EHMT1: variants seen among roughly 807,000 people sequenced by gnomAD.
The protein encoded by EHMT1 is euchromatic histone lysine methyltransferase 1.
A neutral mutation model predicts 147.2 loss-of-function variants in EHMT1; 15 were observed. The observed-to-expected ratio is 0.10, with a 90% confidence interval of 0.07 to 0.16. EHMT1 has a LOEUF of 0.16. Among genes scored for constraint, EHMT1 ranks in the 10% least tolerant of loss-of-function variants. The pLI is 1.00. For missense variants in EHMT1, 1,587 were observed against 1,772.4 expected, an observed-to-expected ratio of 0.90 and a Z score of 1.88; for synonymous variants, 795 against 709.6, an observed-to-expected ratio of 1.12 and a Z score of -1.91.
intron 1 of EHMT1, among the ~76,000 whole-genome samples, chr9:137,650,187 C>G (rs903029120): frequency 6.6e-6 from 1 of 152,148 alleles, no homozygotes; most frequent in Non-Finnish European, 1.5e-5. Context: ...CAGCCTCAAA[C>G]TCCCAGGCTC....
chr9:137,807,276 GT>G (rs1400807700), intron 18 of EHMT1, among the ~76,000 whole-genome samples: 1 of 152,000 alleles, frequency 6.6e-6, no homozygotes, highest in Non-Finnish European at 1.5e-5. Flanking sequence ...AGTTGAGCAG[GT>G]TTTTGTTGGT....
At chr9:137,723,560 C>T (rs1422656023) in intron 3 of EHMT1, among the ~76,000 whole-genome samples, 216 of 72,880 alleles carry the variant, frequency 3.0e-3, no homozygotes, top group Middle Eastern at 0.015. Flanking sequence ...GGGGTGTGTC[C>T]GTGTCTGTGG....
At chr9:137,803,758 G>C (rs1048001238) in intron 18 of EHMT1, among the ~76,000 whole-genome samples, 1 of 151,800 alleles carries the variant, frequency 6.6e-6, no homozygotes, top group African/African-American at 2.4e-5. Flanking sequence ...GGCTAAGGTG[G>C]GAAGATCGCT....
intron 1 of EHMT1, among the ~76,000 whole-genome samples, chr9:137,636,063 A>G (rs1263584952): frequency 1.3e-5 from 2 of 151,546 alleles, no homozygotes; most frequent in Admixed American, 6.6e-5. Context: ...TTGGGATTAC[A>G]GGTGCATGCC....
At chr9:137,803,367 T>G in intron 18 of EHMT1, 2 of 916,060 alleles carry the variant, frequency 2.2e-6, no homozygotes, top group Non-Finnish European at 1.3e-6. Flanking sequence ...TCCTCCGCGC[T>G]TCACAGCCAT....
At chr9:137,742,310 TGTGTG>T (rs1948166807) in intron 4 of EHMT1, among the ~76,000 whole-genome samples, 1 of 151,026 alleles carries the variant, frequency 6.6e-6, no homozygotes, top group Non-Finnish European at 1.5e-5. Context: ...TGTGTGTGTG[TGTGTG>T]TGTGTGTGTG....
At chr9:137,739,100 G>A (rs1588456973) in intron 4 of EHMT1, among the ~76,000 whole-genome samples, 3 of 151,550 alleles carry the variant, frequency 2.0e-5, no homozygotes, top group African/African-American at 7.3e-5. Context: ...GGCCGGGCGC[G>A]GTGGCTCATG....
intron 25 of EHMT1, chr9:137,833,937 C>T (rs529909322): frequency 3.9e-5 from 10 of 258,122 alleles, no homozygotes; most frequent in Admixed American, 2.5e-4. Flanking sequence ...CCATCCCTCC[C>T]GACCCCCTCA....
intron 1 of EHMT1, among the ~76,000 whole-genome samples, chr9:137,673,742 G>T (rs1007956014): frequency 2.0e-5 from 3 of 152,228 alleles, no homozygotes; most frequent in Non-Finnish European, 2.9e-5. Context: ...TTAGAAAAAT[G>T]TTAAGGCCCG....
In EHMT1 at chr9:137,731,318, G is replaced by A. The variant is rs1437814573; in HGVS notation, c.823+2789G>A. 1.3e-5 allele frequency among the ~76,000 whole-genome samples: 2 copies of A among 152,166 alleles called. No individual in the cohort carries two copies. Among genetic ancestry groups the A allele is most frequent in the East Asian group, 3.8e-4 (2 of 5,196 alleles). On this transcript the variant is annotated intron_variant, in intron 4 of 26. Transcript: ENST00000460843. This position sits in a 1 kb window ranked among gnomAD's most constrained non-coding sequence, Gnocchi z 4.3. Reference sequence around the variant, plus strand: ...TACTCCCTCAGCCTCAGCTGCTCCCGTGTGTTGTCACCCCAGGGCTTCCGG... The same window carrying A: ...TACTCCCTCAGCCTCAGCTGCTCCCATGTGTTGTCACCCCAGGGCTTCCGG...
At chr9:137,770,356 T>C (rs1950513047) in intron 10 of EHMT1, among the ~76,000 whole-genome samples, 1 of 152,274 alleles carries the variant, frequency 6.6e-6, no homozygotes, top group Non-Finnish European at 1.5e-5. Flanking sequence ...TCTCTGGTAC[T>C]GTTTGTTTCT....
intron 4 of EHMT1, among the ~76,000 whole-genome samples, chr9:137,742,401 C>T (rs1313614360): frequency 6.6e-6 from 1 of 151,948 alleles, no homozygotes; most frequent in African/African-American, 2.4e-5. Flanking sequence ...AACCCTCCCT[C>T]CCACTCAAGC....
intron 4 of EHMT1, 39 bp from the exon 5 acceptor site, chr9:137,743,332 C>T (rs1948266504): frequency 1.9e-6 from 3 of 1,542,482 alleles, no homozygotes; most frequent in Non-Finnish European, 2.6e-6. Context: ...TGTTTCTTTT[C>T]CTTTCTTGTC....
intron 25 of EHMT1, among the ~76,000 whole-genome samples, chr9:137,832,011 C>T (rs1303409259): frequency 4.6e-5 from 7 of 151,092 alleles, no homozygotes; most frequent in Admixed American, 1.3e-4. Flanking sequence ...CCGCCTCCTA[C>T]GTGGCCGCTG....
rs146269774 is a variant in EHMT1, at chr9:137,800,928, G to T, written c.2656G>T (p.Val886Leu). ...PMIWATEYKH[V>L]DLVKLLLSKG... ...GATCTGGGCCACAGAGTACAAGCAC[G>T]TGGACCTCGTGAAGCTGCTGCTGTC... Residue 886 changes from valine to leucine, a missense_variant, in exon 18 of 27, where the codon GTG becomes TTG. This residue lies in a region of EHMT1 where 201 missense variants were observed against 350.1 expected (regional missense o/e 0.57). Transcript: ENST00000460843. The T allele has an allele frequency of 6.2e-7, 1 of 1,614,158 alleles. No individual in the cohort carries two copies. Among genetic ancestry groups the T allele is most frequent in the Non-Finnish European group, 8.5e-7 (1 of 1,180,028 alleles).
rs563580177 is a variant in EHMT1 at position 137,676,771 on chromosome 9, C to T, written c.22-34196C>T. ...GCACTGGGGGAAGTGGGTGGGGTCACGGAATTCCGCCTTCCGCAGGGGAGG... is the reference window on the plus strand; with the variant it reads ...GCACTGGGGGAAGTGGGTGGGGTCATGGAATTCCGCCTTCCGCAGGGGAGG... On this transcript the variant is annotated intron_variant, in intron 1 of 26. Coordinates refer to ENST00000460843, the MANE Select transcript of EHMT1 (RefSeq NM_024757.5). 7.4e-4 allele frequency among the ~76,000 whole-genome samples: 113 copies of T among 152,268 alleles called. 1 individual carries two copies. Among genetic ancestry groups the T allele is most frequent in the African/African-American group, 2.6e-3 (109 of 41,566 alleles).
intron 19 of EHMT1, among the ~76,000 whole-genome samples, chr9:137,812,153 A>G (rs1954543121): frequency 6.6e-6 from 1 of 152,204 alleles, no homozygotes; most frequent in African/African-American, 2.4e-5. Context: ...AGCCTGGCCA[A>G]CATGGTGAAA....
chr9:137,666,417 T>C (rs1432660083), intron 1 of EHMT1, among the ~76,000 whole-genome samples: 1 of 152,242 alleles, frequency 6.6e-6, no homozygotes, highest in African/African-American at 2.4e-5. Flanking sequence ...ACTAGCAGTG[T>C]TTTCCTGTTT....
At chr9:137,674,814 A>G (rs951999798) in intron 1 of EHMT1, 2 of 152,236 alleles carry the variant, frequency 1.3e-5, no homozygotes, top group African/African-American at 4.8e-5. Flanking sequence ...AGCTCGCTGC[A>G]TAGTTGGAGA....
Sources: gnomAD v4.1 joint callset for allele counts (sites outside exome capture counted in the v4.1 genomes callset) on GRCh38, gnomAD v4.1.1 for gene constraint, gnomAD v4.1.1 regional missense constraint, Gnocchi (gnomAD v3.1) non-coding constraint, MANE v1.5 for transcripts, NCBI Gene and HGNC (gene_info 2026-07-23, HGNC 2026-07-21) for gene names.